The following SIPA1L2 variants were observed in gnomAD, a reference collection of about 807,000 sequenced individuals.
SIPA1L2 encodes the protein signal-induced proliferation-associated 1-like protein 2.
Under a neutral mutation model 163.9 loss-of-function variants are expected in SIPA1L2, and 56 were observed. The observed-to-expected ratio is 0.34, with a 90% CI of 0.28 to 0.43. SIPA1L2 has a LOEUF of 0.43. Ranked by LOEUF, SIPA1L2 falls within the 20% of genes least tolerant of loss-of-function variation. The pLI, the probability that SIPA1L2 is intolerant of heterozygous loss-of-function variation, is 1.00. For missense variants in SIPA1L2, 1,974 were observed against 2,193.5 expected (o/e 0.90, Z 2.00); for synonymous variants, 877 against 865.7 (o/e 1.01, Z -0.23).
At chr1:232,500,971 T>G (rs1666439116) in intron 3 of SIPA1L2, among the ~76,000 whole-genome samples, 1 of 150,940 alleles carries the variant, frequency 6.6e-6, no homozygotes. Flanking sequence ...GCCATCAATG[T>G]GGAGGCAAGA....
At chr1:232,614,553 C>T (rs1419021018) in intron 1 of SIPA1L2, among the ~76,000 whole-genome samples, 1 of 152,190 alleles carries the variant, frequency 6.6e-6, no homozygotes, top group African/African-American at 2.4e-5. Context: ...AGCTACTGCC[C>T]CCAAATCAAA....
At chr1:232,546,868 TC>T (rs1269867498) in intron 2 of SIPA1L2, among the ~76,000 whole-genome samples, 1 of 152,152 alleles carries the variant, frequency 6.6e-6, no homozygotes, top group Non-Finnish European at 1.5e-5. Context: ...GGACGGTTTC[TC>T]AGAAGAAACG....
chr1:232,619,838 T>C (rs745854033), intron 1 of SIPA1L2, among the ~76,000 whole-genome samples: 1 of 152,240 alleles, frequency 6.6e-6, no homozygotes, highest in Non-Finnish European at 1.5e-5. Flanking sequence ...CTTATCCCAC[T>C]TGTATCATCT....
intron 16 of SIPA1L2, among the ~76,000 whole-genome samples, chr1:232,431,108 T>C (rs1046482648): frequency 3.3e-5 from 5 of 152,188 alleles, no homozygotes; most frequent in Non-Finnish European, 7.3e-5. Flanking sequence ...GTCCTTCGCC[T>C]AAACATAGTA....
At chr1:232,561,989 C>T (rs1406023544) in intron 2 of SIPA1L2, among the ~76,000 whole-genome samples, 2 of 152,304 alleles carry the variant, frequency 1.3e-5, no homozygotes, top group African/African-American at 2.4e-5. Flanking sequence ...GGTCCCACCG[C>T]GCCAGCTGCT....
At chr1:232,494,017 A>G (rs1666057553) in intron 3 of SIPA1L2, among the ~76,000 whole-genome samples, 1 of 152,202 alleles carries the variant, frequency 6.6e-6, no homozygotes, top group Non-Finnish European at 1.5e-5. Context: ...TCAATATTGA[A>G]AACAGTTTCC....
rs77795596 is a variant in SIPA1L2, at chr1:232,505,495, C to T, written c.1483+8362G>A. On this transcript the variant is annotated intron_variant, in intron 3 of 22. Transcript: ENST00000674635. Reference sequence around the variant, plus strand: ...AAATAATAGGGCATTCGTTCTTCTTCCCCAGTAACTGACTGAAGACTTTTT... The same window carrying T: ...AAATAATAGGGCATTCGTTCTTCTTTCCCAGTAACTGACTGAAGACTTTTT... Among the ~76,000 whole-genome samples, 978 of 152,292 alleles carry T rather than the reference C, an allele frequency of 6.4e-3. 14 individuals carry two copies. Among genetic ancestry groups the T allele is most frequent in the African/African-American group, 0.022 (934 of 41,538 alleles).
chr1:232,445,724 G>C lies in SIPA1L2; in HGVS notation c.3158C>G (p.Pro1053Arg). ...CCTGAAGGGGGTTTTATACTCGCAG[G>C]GGGTGCCCTCGCTGTCGAGTTTATA... ...VEYKLDSEGTPCEYKTPFRRN... is the reference protein window; with the variant it reads ...VEYKLDSEGTRCEYKTPFRRN... The change falls in exon 11 of 23, where the codon CCC becomes CGC. Residue 1053 changes from proline to arginine, a missense_variant. By Grantham distance (103) the Pro-to-Arg change is moderately radical. Around this residue, in one of 3 missense-constraint regions of SIPA1L2, gnomAD observed 1,079 missense variants for 1,150.7 expected, o/e 0.94. Transcript: ENST00000674635. The C allele has an allele frequency of 2.5e-6, 4 of 1,613,718 alleles. No individual in the cohort carries two copies. Among genetic ancestry groups the C allele is most frequent in the Non-Finnish European group, 3.4e-6 (4 of 1,179,934 alleles).
chr1:232,516,645 A>G (rs916296448), intron 2 of SIPA1L2, among the ~76,000 whole-genome samples: 8 of 143,178 alleles, frequency 5.6e-5, no homozygotes, highest in African/African-American at 2.1e-4. Context: ...TTTTTTTTTT[A>G]TGGTAGGGAG....
At chr1:232,496,442 T>A (rs1371555356) in intron 3 of SIPA1L2, among the ~76,000 whole-genome samples, 1 of 152,070 alleles carries the variant, frequency 6.6e-6, no homozygotes, top group Non-Finnish European at 1.5e-5. Flanking sequence ...AAGCGATGCA[T>A]GGCTGTATTG....
chr1:232,525,349 C>T (rs1053081981), intron 2 of SIPA1L2, among the ~76,000 whole-genome samples: 4 of 149,646 alleles, frequency 2.7e-5, no homozygotes, highest in African/African-American at 9.9e-5. Context: ...AATTCCTCTG[C>T]CTCAGCCTCC....
intron 1 of SIPA1L2, among the ~76,000 whole-genome samples, chr1:232,624,371 ATG>A (rs1360520336): frequency 6.6e-6 from 1 of 152,234 alleles, no homozygotes; most frequent in Non-Finnish European, 1.5e-5. Flanking sequence ...TTCCTGAACA[ATG>A]TGAATACCCA....
chr1:232,496,122 G>A (rs557062906), intron 3 of SIPA1L2, among the ~76,000 whole-genome samples: 1 of 152,162 alleles, frequency 6.6e-6, no homozygotes, highest in African/African-American at 2.4e-5. Context: ...CACGCAGAGC[G>A]GATTTTAGTC....
intron 19 of SIPA1L2, among the ~76,000 whole-genome samples, chr1:232,404,616 T>C (rs1660535803): frequency 6.6e-6 from 1 of 152,148 alleles, no homozygotes; most frequent in Non-Finnish European, 1.5e-5. Context: ...CACAAGGACA[T>C]TTTTATTCTT....
At chr1:232,478,352 T>A (rs1464613447) in intron 7 of SIPA1L2, among the ~76,000 whole-genome samples, 1 of 152,158 alleles carries the variant, frequency 6.6e-6, no homozygotes, top group Non-Finnish European at 1.5e-5. Context: ...AGCTAGCAGT[T>A]ACCATGAGAA....
At chr1:232,449,493 A>G (rs1459208423) in intron 10 of SIPA1L2, among the ~76,000 whole-genome samples, 1 of 147,288 alleles carries the variant, frequency 6.8e-6, no homozygotes, top group Non-Finnish European at 1.5e-5. Flanking sequence ...AGTCCGGCCT[A>G]GGCAAAATAG....
chr1:232,622,374 G>T (rs13373788), intron 1 of SIPA1L2, among the ~76,000 whole-genome samples: 53 of 152,228 alleles, frequency 3.5e-4, no homozygotes, highest in Middle Eastern at 3.2e-3. Flanking sequence ...TACTGATGGG[G>T]TTTTTAAACA....
intron 10 of SIPA1L2, among the ~76,000 whole-genome samples, chr1:232,449,528 A>G: frequency 6.6e-6 from 1 of 151,932 alleles, no homozygotes; most frequent in Admixed American, 6.5e-5. Flanking sequence ...AAAAAAAAAA[A>G]AAAAAAAAAT....
intron 1 of SIPA1L2, among the ~76,000 whole-genome samples, chr1:232,618,569 G>A (rs1043576601): frequency 2.0e-5 from 3 of 151,108 alleles, no homozygotes; most frequent in African/African-American, 4.9e-5. Context: ...CAGGAGAATC[G>A]CTTCAACCCA....
Sources: gnomAD v4.1 joint callset for allele counts (sites outside exome capture counted in the v4.1 genomes callset) on GRCh38, gnomAD v4.1.1 for gene constraint, gnomAD v4.1.1 regional missense constraint, MANE v1.5 for transcripts, NCBI Gene and HGNC (gene_info 2026-07-23, HGNC 2026-07-21) for gene names.